The following RPH3A variants were observed in gnomAD, a reference collection of about 807,000 sequenced individuals.
RPH3A encodes rabphilin-3A.
A neutral mutation model predicts 102.2 loss-of-function variants in RPH3A; 48 were observed. The observed-to-expected ratio is 0.47, with a 90% CI of 0.37 to 0.60. The LOEUF (loss-of-function observed/expected upper bound fraction) is 0.60. RPH3A is among the 20% of genes least tolerant of loss of function. The probability of loss-of-function intolerance (pLI) is 0.00; values close to 1 mark genes in which losing one functional copy is unlikely to be tolerated. For synonymous variants in RPH3A, 310 were observed against 324.3 expected (o/e 0.96, Z 0.47); for missense variants, 781 against 910.1 (o/e 0.86, Z 1.83).
intron 5 of RPH3A, among the ~76,000 whole-genome samples, chr12:112,863,422 G>A (rs1593098538): frequency 6.6e-6 from 1 of 152,116 alleles, no homozygotes; most frequent in African/African-American, 2.4e-5. Flanking sequence ...GGTCCAAGCG[G>A]TTCTCCTGCC....
rs1053538504 is a variant in RPH3A, at chr12:112,887,684, T to C, written c.1437-113T>C. 2.7e-5 allele frequency: 31 copies of C among 1,147,648 alleles called. No homozygotes were observed. The East Asian group carries it at 7.4e-4, about 27-fold the overall frequency. The allele number at this position is 1,147,648 out of a possible 1,614,324, so 71.1% of individuals were successfully genotyped here. On this transcript the variant is annotated intron_variant, in intron 16 of 21. Transcript: ENST00000389385. ...GTGATAAATAAACAGGAAATCATAT[T>C]ATTTCCACATACATTACACATTCCT...
intron 1 of RPH3A, among the ~76,000 whole-genome samples, chr12:112,713,028 C>T (rs1458512576): frequency 5.6e-5 from 4 of 71,670 alleles, no homozygotes; most frequent in Middle Eastern, 5.2e-3. Flanking sequence ...TCTTCCTCTT[C>T]TTCTTCTTCT....
chr12:112,645,847 C>T (rs1426066073), intron 1 of RPH3A, among the ~76,000 whole-genome samples: 1 of 152,152 alleles, frequency 6.6e-6, no homozygotes, highest in Non-Finnish European at 1.5e-5. Flanking sequence ...TGAGAGCAGA[C>T]AGCCGGTAGA....
chr12:112,888,077 C>T (rs533437044), intron 17 of RPH3A, among the ~76,000 whole-genome samples, 154 bp downstream of exon 17: 4 of 152,362 alleles, frequency 2.6e-5, no homozygotes, highest in Admixed American at 6.5e-5. Context: ...TTCCAGCTCA[C>T]AACCTCAGGC....
At chr12:112,809,706 A>T (rs1057210028) in intron 2 of RPH3A, among the ~76,000 whole-genome samples, 5 of 152,212 alleles carry the variant, frequency 3.3e-5, no homozygotes, top group Non-Finnish European at 7.3e-5. Flanking sequence ...ACAGAGGTTA[A>T]GGAACTTGCT....
chr12:112,775,809 T>C (rs1278114357), intron 1 of RPH3A, among the ~76,000 whole-genome samples: 1 of 152,210 alleles, frequency 6.6e-6, no homozygotes, highest in Non-Finnish European at 1.5e-5. Context: ...AATCCAGCTA[T>C]AGCTAACACA....
chr12:112,862,394 G>A (rs574537319), intron 5 of RPH3A, among the ~76,000 whole-genome samples: 1 of 152,142 alleles, frequency 6.6e-6, no homozygotes, highest in Non-Finnish European at 1.5e-5. Context: ...GGCAGAGCAA[G>A]GCCCTATCTC....
chr12:112,691,642 C>T (rs993434370), intron 1 of RPH3A, among the ~76,000 whole-genome samples: 1 of 152,172 alleles, frequency 6.6e-6, no homozygotes, highest in African/African-American at 2.4e-5. Context: ...AAATTATTTA[C>T]CTTCCCTTAG....
chr12:112,886,673 A>G (rs999507256), intron 16 of RPH3A, among the ~76,000 whole-genome samples: 10 of 152,082 alleles, frequency 6.6e-5, no homozygotes, highest in Admixed American at 5.9e-4. Flanking sequence ...ACTGTTACTC[A>G]ATGCTGTGTA....
At chr12:112,588,133 C>T (rs186640561) in intron 1 of RPH3A, among the ~76,000 whole-genome samples, 1 of 152,158 alleles carries the variant, frequency 6.6e-6, no homozygotes, top group Admixed American at 6.5e-5. Context: ...TATTGCTGGG[C>T]ACAATGAAGT....
At chr12:112,714,203 C>A (rs2136038369) in intron 1 of RPH3A, among the ~76,000 whole-genome samples, 1 of 152,254 alleles carries the variant, frequency 6.6e-6, no homozygotes, top group East Asian at 1.9e-4. Context: ...CCCCTGGGAA[C>A]AGCCATCCTT....
intron 1 of RPH3A, among the ~76,000 whole-genome samples, chr12:112,646,238 G>A (rs1233370226): frequency 2.0e-5 from 3 of 152,092 alleles, no homozygotes; most frequent in African/African-American, 7.2e-5. Flanking sequence ...AGTGACTCCA[G>A]GATTAATTCA....
At chr12:112,831,223 A>G (rs2041965542) in intron 3 of RPH3A, among the ~76,000 whole-genome samples, 1 of 144,836 alleles carries the variant, frequency 6.9e-6, no homozygotes, top group Non-Finnish European at 1.5e-5. Flanking sequence ...CTCTTTTTCT[A>G]TGGTTCTTTT....
chr12:112,800,495 T>G (rs2041322671), intron 2 of RPH3A, among the ~76,000 whole-genome samples: 1 of 152,162 alleles, frequency 6.6e-6, no homozygotes, highest in African/African-American at 2.4e-5. Flanking sequence ...GATTTTATTT[T>G]GCAGGGAGCG....
intron 16 of RPH3A, among the ~76,000 whole-genome samples, chr12:112,885,718 T>A (rs1311406853): frequency 1.3e-5 from 2 of 152,162 alleles, no homozygotes; most frequent in African/African-American, 2.4e-5. Flanking sequence ...AAAATAAATG[T>A]CTTTTTTAAT....
intron 1 of RPH3A, among the ~76,000 whole-genome samples, chr12:112,667,947 C>T (rs189987601): frequency 7.0e-4 from 107 of 152,216 alleles, no homozygotes; most frequent in African/African-American, 2.5e-3. Flanking sequence ...GCAAGTTCTC[C>T]CCTTCTGTTT....
intron 2 of RPH3A, 144 bp from the exon 3 acceptor site, chr12:112,828,157 G>A (rs1360572599): frequency 4.7e-6 from 3 of 641,654 alleles, no homozygotes; most frequent in Admixed American, 6.6e-5. Flanking sequence ...TAGGGTCTCA[G>A]ACTCCCCATC....
At chr12:112,595,967 C>T (rs2039513548) in intron 1 of RPH3A, among the ~76,000 whole-genome samples, 2 of 152,106 alleles carry the variant, frequency 1.3e-5, no homozygotes, top group Non-Finnish European at 2.9e-5. Flanking sequence ...ACTACATAGA[C>T]ATGTGTGAAG....
At chr12:112,741,210 A>G (rs2040706416) in intron 1 of RPH3A, among the ~76,000 whole-genome samples, 1 of 152,206 alleles carries the variant, frequency 6.6e-6, no homozygotes, top group African/African-American at 2.4e-5. Context: ...GTTAAAATGG[A>G]ATAGTCAACA....
Sources: gnomAD v4.1 joint callset for allele counts (sites outside exome capture counted in the v4.1 genomes callset) on GRCh38, gnomAD v4.1.1 for gene constraint, MANE v1.5 for transcripts, NCBI Gene and HGNC (gene_info 2026-07-23, HGNC 2026-07-21) for gene names.